Variants in DNM3 observed in about 807,000 individuals in gnomAD.
DNM3 encodes dynamin 3, also known as dynamin-3.
DNM3 carries 47 observed loss-of-function variants against 101.6 expected under a neutral mutation model. The observed-to-expected ratio is 0.46, with a 90% CI of 0.37 to 0.59. DNM3 has a LOEUF of 0.59. DNM3 is among the 20% of genes least tolerant of loss of function. The probability of loss-of-function intolerance (pLI) is 0.00; values close to 1 mark genes in which losing one functional copy is unlikely to be tolerated. For synonymous variants in DNM3, 385 were observed against 387.9 expected (o/e 0.99, Z 0.09); for missense variants, 849 against 1,085.7 (o/e 0.78, Z 3.06).
intron 17 of DNM3, among the ~76,000 whole-genome samples, chr1:172,340,765 C>T (rs1008453632): frequency 6.6e-6 from 1 of 152,176 alleles, no homozygotes; most frequent in Non-Finnish European, 1.5e-5. Flanking sequence ...GACAGTATGA[C>T]TTCCTCTTCC....
intron 10 of DNM3, among the ~76,000 whole-genome samples, chr1:172,058,566 G>T (rs2050854896): frequency 6.6e-6 from 1 of 152,098 alleles, no homozygotes; most frequent in African/African-American, 2.4e-5. Flanking sequence ...CAACTACATG[G>T]AAACTGAACA....
chr1:171,896,374 C>T (rs908534774), intron 1 of DNM3, among the ~76,000 whole-genome samples: 2 of 152,142 alleles, frequency 1.3e-5, no homozygotes, highest in African/African-American at 4.8e-5. Flanking sequence ...AAGTTGGATT[C>T]CTGGGTATTT....
chr1:172,103,931 T>C (rs1242958289), intron 13 of DNM3, among the ~76,000 whole-genome samples: 2 of 152,026 alleles, frequency 1.3e-5, no homozygotes, highest in South Asian at 2.1e-4. Context: ...AACCAGGGAG[T>C]TGGAGGTTGC....
chr1:171,887,536 G>A (rs2036883414), intron 1 of DNM3, among the ~76,000 whole-genome samples: 1 of 152,146 alleles, frequency 6.6e-6, no homozygotes, highest in Non-Finnish European at 1.5e-5. Flanking sequence ...TATTGCCAGG[G>A]TATCTCAGTG....
intron 17 of DNM3, among the ~76,000 whole-genome samples, chr1:172,362,509 T>C (rs1422857169): frequency 6.6e-6 from 1 of 151,994 alleles, no homozygotes; most frequent in African/African-American, 2.4e-5. Flanking sequence ...GTATTTCTCC[T>C]GTACAGCATA....
chr1:172,004,432 G>A (rs1048197597), intron 4 of DNM3, among the ~76,000 whole-genome samples: 7 of 152,004 alleles, frequency 4.6e-5, no homozygotes, highest in Non-Finnish European at 7.4e-5. Context: ...TGGATACATC[G>A]TCCTCATGCA....
At chr1:171,930,259 G>C (rs2040897440) in intron 2 of DNM3, among the ~76,000 whole-genome samples, 1 of 152,200 alleles carries the variant, frequency 6.6e-6, no homozygotes, top group Non-Finnish European at 1.5e-5. Context: ...GCTCTATCCA[G>C]GGAGGTGCAA....
rs960689681 is a variant in DNM3 at position 172,206,362 on chromosome 1, T to C, written c.1660-47211T>C. Among the ~76,000 whole-genome samples the C allele has an allele frequency of 5.3e-5, 8 of 152,112 alleles. No homozygotes were observed. The South Asian group carries it at 1.0e-3, about 20-fold the overall frequency. ...CACAACTCAAACAATCACACAAGTGTTTTTCCTTGAAACAAGCATTGAACT... is the reference window on the plus strand; with the variant it reads ...CACAACTCAAACAATCACACAAGTGCTTTTCCTTGAAACAAGCATTGAACT... On this transcript the variant is annotated intron_variant, in intron 14 of 20. Coordinates refer to ENST00000627582, the MANE Select transcript of DNM3 (RefSeq NM_015569.5).
intron 14 of DNM3, among the ~76,000 whole-genome samples, chr1:172,227,304 A>ATATATATATATATATATATG (rs1215756972): frequency 3.0e-5 from 4 of 131,536 alleles, no homozygotes; most frequent in African/African-American, 8.6e-5. Context: ...ATATATATAT[A>ATATATATATATATATATATG]TCACATTTTC....
chr1:172,339,166 C>T (rs1573526021), intron 17 of DNM3: 1 of 374,932 alleles, frequency 2.7e-6, no homozygotes, highest in East Asian at 7.1e-5. Context: ...AGCTTTTCCT[C>T]TTGGGATTAT....
chr1:172,133,409 C>T (rs1203139098), intron 14 of DNM3: 3 of 986,540 alleles, frequency 3.0e-6, no homozygotes, highest in Non-Finnish European at 3.6e-6. Context: ...GCCATGAATA[C>T]TCCCGCTCTG....
intron 1 of DNM3, among the ~76,000 whole-genome samples, chr1:171,900,241 G>A (rs572523800): frequency 5.3e-5 from 8 of 152,264 alleles, no homozygotes; most frequent in South Asian, 2.1e-4. Context: ...GACACGATGC[G>A]TTTGGGGTAC....
intron 14 of DNM3, among the ~76,000 whole-genome samples, chr1:172,235,666 TA>T (rs2061513262): frequency 6.6e-6 from 1 of 152,054 alleles, no homozygotes; most frequent in Non-Finnish European, 1.5e-5. Flanking sequence ...TATGAACCCA[TA>T]AAAAATGATG....
intron 15 of DNM3, among the ~76,000 whole-genome samples, chr1:172,279,664 G>A (rs1311242349): frequency 6.6e-6 from 1 of 152,044 alleles, no homozygotes; most frequent in East Asian, 1.9e-4. Context: ...TGCTCATGCT[G>A]GAAACTTAAA....
intron 2 of DNM3, among the ~76,000 whole-genome samples, chr1:171,955,518 A>G (rs937400834): frequency 6.6e-6 from 1 of 152,164 alleles, no homozygotes; most frequent in Non-Finnish European, 1.5e-5. Flanking sequence ...AAATGGTACA[A>G]TGTGGTCAAT....
intron 13 of DNM3, among the ~76,000 whole-genome samples, chr1:172,112,058 C>T (rs1019626117): frequency 1.3e-5 from 2 of 152,108 alleles, no homozygotes; most frequent in African/African-American, 4.8e-5. Context: ...TAATTTATTG[C>T]ATGGGTGTTT....
At chr1:172,240,218 A>G (rs1032458398) in intron 14 of DNM3, among the ~76,000 whole-genome samples, 1 of 152,170 alleles carries the variant, frequency 6.6e-6, no homozygotes, top group African/African-American at 2.4e-5. Context: ...CAACAGTTCA[A>G]CAGTCAATGC....
At chr1:172,303,558 A>T (rs1369209108) in intron 15 of DNM3, among the ~76,000 whole-genome samples, 1 of 152,152 alleles carries the variant, frequency 6.6e-6, no homozygotes, top group East Asian at 1.9e-4. Context: ...GAGAAGAGCA[A>T]CCCCAAGACA....
intron 1 of DNM3, among the ~76,000 whole-genome samples, chr1:171,900,101 C>T (rs1215808381): frequency 6.6e-6 from 1 of 152,094 alleles, no homozygotes; most frequent in African/African-American, 2.4e-5. Context: ...CAGTAAGGGA[C>T]GTGGAGAAAA....
Sources: allele counts gnomAD v4.1 joint callset (sites outside exome capture counted in the v4.1 genomes callset), GRCh38; gene constraint gnomAD v4.1.1; transcripts MANE v1.5; gene names NCBI Gene and HGNC (gene_info 2026-07-23, HGNC 2026-07-21).